The following RPUSD1 variants were observed in gnomAD, a reference collection of about 807,000 sequenced individuals.
The protein encoded by RPUSD1 is RNA pseudouridine synthase domain containing 1.
Under a neutral mutation model 22.4 loss-of-function variants are expected in RPUSD1, and 28 were observed. That is an observed-to-expected ratio of 1.25 (90% CI 0.93 to 1.72). RPUSD1 has a LOEUF of 1.72. RPUSD1 is among the 40% of genes most tolerant of loss of function. The pLI, the probability that RPUSD1 is intolerant of heterozygous loss-of-function variation, is 0.00. For missense variants in RPUSD1, 596 were observed against 442.2 expected (o/e 1.35, Z -3.12); for synonymous variants, 298 against 201.0 (o/e 1.48, Z -4.08).
chr16:788,206 C>T (rs999433412), intron 1 of RPUSD1, 50 bp downstream of exon 1: 1 of 401,318 alleles, frequency 2.5e-6, no homozygotes, highest in Admixed American at 3.0e-5. Context: ...GTGGGCAGGC[C>T]GACCCTGGCT....
Position 788,239 on chromosome 16 carries a change from C to A in RPUSD1, c.-8+17G>T. On this transcript the variant is annotated intron_variant, in intron 1 of 5. Coordinates refer to ENST00000007264, the MANE Select transcript of RPUSD1 (RefSeq NM_058192.3). Reference sequence around the variant, plus strand: ...GCTCCGAGCCCCTCCCGCGCCCACGCCCACGCCAAGACCAACCTGCTGCCG... The same window carrying A: ...GCTCCGAGCCCCTCCCGCGCCCACGACCACGCCAAGACCAACCTGCTGCCG... 2.5e-6 allele frequency: 1 copy of A among 393,254 alleles called. No homozygotes were observed. The highest frequency in any genetic ancestry group is 4.9e-6 in the Non-Finnish European group (1 of 202,474). 24.4% of individuals were successfully genotyped at this position (393,254 alleles called of 1,614,324 possible). A position where few individuals can be genotyped will look rare whatever the true frequency, so the allele number is the denominator to read the frequency against.
rs533894523 is a variant in RPUSD1, at chr16:786,683, G to A, written c.511+144C>T. 8.9e-5 allele frequency: 70 copies of A among 786,722 alleles called. No homozygotes were observed. The African/African-American group carries it at 1.0e-3, about 11-fold the overall frequency. 48.7% of individuals were successfully genotyped at this position (786,722 alleles called of 1,614,324 possible). ...CCCTGTGTCAGGTGAGAAGCTGAGA[G>A]GCTGCAGGGCGTGGAGTTAAGAACG... is the stretch of plus-strand genomic sequence containing the variant. On this transcript the variant is annotated intron_variant, in intron 5 of 5. Transcript: ENST00000007264.
chr16:786,918 G>A lies in RPUSD1; in HGVS notation c.420C>T (p.Asn140=), dbSNP rs369541836. 3 of 1,612,844 alleles carry A rather than the reference G, an allele frequency of 1.9e-6. No homozygotes were observed. Among genetic ancestry groups the A allele is most frequent in the African/African-American group, 2.7e-5 (2 of 74,904 alleles). ...MCIEGSQGCE[N]PKPSLTDLVV... ...CGAGATCTGTGAGGCTTGGCTTTGG[G>A]TTCTCACAACCTGGGGCGCAGAAGG... The change falls in exon 5 of 6, where the codon AAC becomes AAT. Residue 140 remains asparagine (N), a synonymous_variant. Transcript: ENST00000007264.
rs2041911873 is a variant in RPUSD1, at chr16:786,364, C to T, written c.525G>A (p.Gln175=). 1 of 1,606,292 alleles carries T rather than the reference C, an allele frequency of 6.2e-7. No individual in the cohort carries two copies. The highest frequency in any genetic ancestry group is 1.1e-5 in the South Asian group (1 of 90,912). The change falls in exon 6 of 6, where the codon CAG becomes CAA. Residue 175 remains glutamine (Q), a synonymous_variant. Coordinates refer to ENST00000007264, the MANE Select transcript of RPUSD1 (RefSeq NM_058192.3). Reference sequence around the variant, plus strand: ...CCAGGGCACTGCAGTGCACGCGCAGCTGGTGTGTCCGGCCTGCGGGATGAG... The same window carrying T: ...CCAGGGCACTGCAGTGCACGCGCAGTTGGTGTGTCCGGCCTGCGGGATGAG... ...LLKPLTGRTH[Q]LRVHCSALGH... is the part of the protein sequence containing the mutation.
At position 785,215 on chromosome 16, in the gene RPUSD1, G is replaced by C. The variant is rs1206109166; in HGVS notation, c.*735C>G. The C allele has an allele frequency of 6.6e-6, 1 of 152,472 alleles. No individual in the cohort carries two copies. Among genetic ancestry groups the C allele is most frequent in the African/African-American group, 2.4e-5 (1 of 41,468 alleles). The allele number at this position is 152,472 out of a possible 1,614,324, so 9.4% of individuals were successfully genotyped here. A position where few individuals can be genotyped will look rare whatever the true frequency, so the allele number is the denominator to read the frequency against. On this transcript the variant is annotated 3_prime_UTR_variant, in exon 6 of 6. Transcript: ENST00000007264. Reference sequence around the variant, plus strand: ...GCAGGTTGGTGCTCACAGTGGATCTGAGGGATGGGCGTGCGTGGCAGGGCC... The same window carrying C: ...GCAGGTTGGTGCTCACAGTGGATCTCAGGGATGGGCGTGCGTGGCAGGGCC...
chr16:787,226 CTGCCGGGGAGCCCACCTAA>C (rs2041967857), intron 3 of RPUSD1, 47 bp from the exon 4 acceptor site: 2 of 1,560,476 alleles, frequency 1.3e-6, no homozygotes. Context: ...CAGCCCAGTG[CTGCCGGGGAGCCCACCTAA>C]CACCAAGCAA....
Position 786,852 on chromosome 16 carries a change from G to A in RPUSD1, c.486C>T (p.Ser162=), listed in dbSNP as rs1019414391. 3 of 1,613,108 alleles carry A rather than the reference G, an allele frequency of 1.9e-6. No individual in the cohort carries two copies. The highest frequency in any genetic ancestry group is 1.3e-5 in the African/African-American group (1 of 74,926). ...CCGTGAGCGGCTTCAGCAGCACTTT[G>A]GAGACAGGATCGCCTGCGTACAGCC... ...EHGLYAGDPV[S]KVLLKPLTGR... The change falls in exon 5 of 6, where the codon TCC becomes TCT. Residue 162 remains serine, a synonymous_variant. Transcript: ENST00000007264.
rs138346352 is a variant in RPUSD1 at position 787,118 on chromosome 16, G to C, written c.368C>G (p.Thr123Arg). The change falls in exon 4 of 6, where the codon ACG becomes AGG. Residue 123 changes from threonine (T) to arginine (R), a missense_variant. Physicochemically the swap from Thr to Arg is moderately conservative, Grantham distance 71 (BLOSUM62 -1). Transcript: ENST00000007264. ...GCACATGGTGTGGGCCCGGCCCTCCGTGCTGTTCCTGCCAATGGCATGGCT... is the reference window on the plus strand; with the variant it reads ...GCACATGGTGTGGGCCCGGCCCTCCCTGCTGTTCCTGCCAATGGCATGGCT... ...TISHAIGRNS[T>R]EGRAHTMCIE... 6.2e-7 allele frequency: 1 copy of C among 1,607,738 alleles called. No individual in the cohort carries two copies. Among genetic ancestry groups the C allele is most frequent in the Non-Finnish European group, 8.5e-7 (1 of 1,179,110 alleles).
At chr16:786,418 G>A (rs746625525) in intron 5 of RPUSD1, 41 bp from the exon 6 acceptor site, 52 of 1,568,414 alleles carry the variant, frequency 3.3e-5, no homozygotes, top group Non-Finnish European at 4.1e-5. Context: ...TGGGAGCGGG[G>A]CCGATCCACA....
At chr16:786,629 C>T in intron 5 of RPUSD1, 198 bp downstream of exon 5, 1 of 735,318 alleles carries the variant, frequency 1.4e-6, no homozygotes, top group Non-Finnish European at 2.4e-6. Flanking sequence ...AGCCAGACCC[C>T]CAAGGAATCA....
chr16:786,580 C>G, intron 5 of RPUSD1: 1 of 747,424 alleles, frequency 1.3e-6, no homozygotes, highest in South Asian at 1.5e-5. Context: ...CTGGTGAGGA[C>G]AGGGCCAGGG....
chr16:786,615 GGCCAGCCAGACCCCCAA>G, intron 5 of RPUSD1, 195 bp downstream of exon 5: 1 of 734,664 alleles, frequency 1.4e-6, no homozygotes, highest in Non-Finnish European at 2.4e-6. Flanking sequence ...GGAGAATCTA[GGCCAGCCAGACCCCCAA>G]GGAATCAGTC....
At chr16:788,154 G>A (rs1379979293) in intron 1 of RPUSD1, 102 bp downstream of exon 1, 1 of 439,452 alleles carries the variant, frequency 2.3e-6, no homozygotes, top group Admixed American at 2.6e-5. Context: ...GGGCCTCCTC[G>A]CTCCCCGCAG....
chr16:786,588 G>C, intron 5 of RPUSD1: 2 of 744,138 alleles, frequency 2.7e-6, no homozygotes, highest in African/African-American at 1.7e-5. Flanking sequence ...GACAGGGCCA[G>C]GGTGGTGCTC....
chr16:786,298 C>A lies in RPUSD1; in HGVS notation c.591G>T (p.Ser197=). 1 of 1,612,728 alleles carries A rather than the reference C, an allele frequency of 6.2e-7. No homozygotes were observed. The highest frequency in any genetic ancestry group is 8.5e-7 in the Non-Finnish European group (1 of 1,179,926). The change falls in exon 6 of 6, where the codon TCG becomes TCT. Residue 197 remains serine (S), a synonymous_variant. Transcript: ENST00000007264. ...TTCTGAACGGCCGGTCCTCCCGGCC[C>A]GAGACTTCTCCGTAGGTCAGGTCGC... is the stretch of plus-strand genomic sequence containing the variant. The part of the protein sequence containing the change: ...VVGDLTYGEV[S]GREDRPFRMM...
rs955947784 is a variant in RPUSD1 at position 786,035 on chromosome 16, G to A, written c.854C>T (p.Pro285Leu). The A allele has an allele frequency of 3.6e-5, 55 of 1,509,284 alleles. No individual in the cohort carries two copies. Among genetic ancestry groups the A allele is most frequent in the Non-Finnish European group, 4.6e-5 (52 of 1,131,592 alleles). The allele number at this position is 1,509,284 out of a possible 1,614,324, so 93.5% of individuals were successfully genotyped here. A position where few individuals can be genotyped will look rare whatever the true frequency, so the allele number is the denominator to read the frequency against. ...CTCAGTCTCAGGGGGCTTGGTTGGGGGTGGAGGAGGCCGGCCGGGCCCAGG... is the reference window on the plus strand; with the variant it reads ...CTCAGTCTCAGGGGGCTTGGTTGGGAGTGGAGGAGGCCGGCCGGGCCCAGG... ...LLPGPGRPPPPPTKPPETEAQ... is the reference protein window; with the variant it reads ...LLPGPGRPPPLPTKPPETEAQ... The change falls in exon 6 of 6, where the codon CCC (proline) becomes CTC (leucine). Residue 285 changes from proline (P) to leucine (L), a missense_variant. Transcript: ENST00000007264.
chr16:787,321 C>A, intron 3 of RPUSD1, 33 bp downstream of exon 3: 1 of 1,561,160 alleles, frequency 6.4e-7, no homozygotes, highest in Non-Finnish European at 8.7e-7. Flanking sequence ...TCCTGAGTCC[C>A]CACGCCCCAC....
Position 785,878 on chromosome 16 carries a change from C to T in RPUSD1, c.*72G>A, listed in dbSNP as rs2041884936. On this transcript the variant is annotated 3_prime_UTR_variant, in exon 6 of 6. Coordinates refer to ENST00000007264, the MANE Select transcript of RPUSD1 (RefSeq NM_058192.3). ...ACCTCGAGGCCCCAGAGCCAGTGAG[C>T]AGACGCTCGCTCGCCCATCTCCCTA... is the stretch of plus-strand genomic sequence containing the variant. 2 of 1,297,956 alleles carry T rather than the reference C, an allele frequency of 1.5e-6. No homozygotes were observed. The highest frequency in any genetic ancestry group is 3.0e-5 in the African/African-American group (2 of 66,392). The allele number at this position is 1,297,956 out of a possible 1,614,324, so 80.4% of individuals were successfully genotyped here. A position where few individuals can be genotyped will look rare whatever the true frequency, so the allele number is the denominator to read the frequency against.
intron 3 of RPUSD1, 35 bp downstream of exon 3, chr16:787,318 TC>T: frequency 6.4e-7 from 1 of 1,558,192 alleles, no homozygotes. Context: ...GAATCCTGAG[TC>T]CCCACGCCCC....
Sources: gnomAD v4.1 joint callset for allele counts on GRCh38, gnomAD v4.1.1 for gene constraint, MANE v1.5 for transcripts, NCBI Gene and HGNC (gene_info 2026-07-23, HGNC 2026-07-21) for gene names.